The following COP1 variants were observed in gnomAD, a reference collection of about 807,000 sequenced individuals.
COP1 encodes the protein E3 ubiquitin-protein ligase COP1.
A neutral mutation model predicts 101.3 loss-of-function variants in COP1; 24 were observed. That is an observed-to-expected ratio of 0.24 (90% confidence interval 0.17 to 0.33). COP1 has a LOEUF of 0.33. Among genes scored for constraint, COP1 ranks in the 10% least tolerant of loss-of-function variants. COP1 has a pLI of 1.00. For synonymous variants in COP1, 347 were observed against 341.9 expected, an observed-to-expected ratio of 1.01 and a Z score of -0.17; for missense variants, 663 against 906.2, an observed-to-expected ratio of 0.73 and a Z score of 3.45.
intron 15 of COP1, among the ~76,000 whole-genome samples, chr1:176,011,753 C>T (rs1002952273): frequency 3.5e-4 from 54 of 152,168 alleles, no homozygotes; most frequent in Non-Finnish European, 1.6e-4. Flanking sequence ...TATATGATGG[C>T]AGTGCCATAA....
At position 176,010,345 on chromosome 1, in the gene COP1, A is replaced by T. The variant is rs187789462; in HGVS notation, c.1729+17227T>A. The stretch of plus-strand genomic sequence containing the variant: ...TGATATAATATACAATGCATCCTAT[A>T]TTCAGATATCTCCCAACTGTTTAAA... On this transcript the variant is annotated intron_variant, in intron 15 of 19. Coordinates refer to ENST00000367669, the MANE Select transcript of COP1 (RefSeq NM_022457.7). Among the ~76,000 whole-genome samples the T allele has an allele frequency of 9.5e-4, 144 of 152,318 alleles. 1 individual carries two copies. Among genetic ancestry groups the T allele is most frequent in the African/African-American group, 3.1e-3 (128 of 41,558 alleles).
At chr1:176,005,098 G>A (rs960900976) in intron 15 of COP1, among the ~76,000 whole-genome samples, 1 of 152,124 alleles carries the variant, frequency 6.6e-6, no homozygotes, top group Non-Finnish European at 1.5e-5. Context: ...TATGTGTCGA[G>A]GAATTTATCC....
intron 15 of COP1, among the ~76,000 whole-genome samples, chr1:176,003,666 C>A (rs1281018435): frequency 6.6e-6 from 1 of 152,008 alleles, no homozygotes; most frequent in African/African-American, 2.4e-5. Context: ...GTTGTAGATA[C>A]GTGGCGTTAT....
chr1:176,002,461 C>T (rs1043460960), intron 15 of COP1, among the ~76,000 whole-genome samples: 9 of 151,694 alleles, frequency 5.9e-5, no homozygotes, highest in Admixed American at 2.0e-4. Flanking sequence ...CCCACTAACT[C>T]GTCACCTAGC....
intron 9 of COP1, among the ~76,000 whole-genome samples, chr1:176,094,862 A>G (rs1191093274): frequency 1.3e-5 from 2 of 152,216 alleles, no homozygotes; most frequent in Admixed American, 6.5e-5. Context: ...AAAAGCAGCA[A>G]GCAAAACTGA....
At chr1:176,113,646 C>CCTTT (rs1685669478) in intron 9 of COP1, among the ~76,000 whole-genome samples, 1 of 152,050 alleles carries the variant, frequency 6.6e-6, no homozygotes, top group East Asian at 1.9e-4. Flanking sequence ...ATTAAAAAAA[C>CCTTT]ACCTGTAGTT....
chr1:176,176,109 C>T (rs1429752951), intron 2 of COP1, 102 bp from the exon 3 acceptor site: 2 of 611,548 alleles, frequency 3.3e-6, no homozygotes. Flanking sequence ...TCATTTTCAA[C>T]ATAACTAATC....
intron 8 of COP1, chr1:176,133,985 A>G: frequency 2.4e-6 from 1 of 422,536 alleles, no homozygotes; most frequent in Non-Finnish European, 4.7e-6. Context: ...GCTGAATTAC[A>G]CAGCTAAAAT....
intron 3 of COP1, among the ~76,000 whole-genome samples, chr1:176,170,582 G>C (rs1695888466): frequency 6.6e-6 from 1 of 152,170 alleles, no homozygotes; most frequent in African/African-American, 2.4e-5. Flanking sequence ...ACGATATTCA[G>C]TAAATCACGC....
At chr1:176,007,833 A>T (rs1436539683) in intron 15 of COP1, among the ~76,000 whole-genome samples, 1 of 152,230 alleles carries the variant, frequency 6.6e-6, no homozygotes, top group Non-Finnish European at 1.5e-5. Context: ...TGGAGCCTAC[A>T]GAGGCAGGCA....
At chr1:175,979,635 TTTG>T (rs1176876916) in intron 18 of COP1, among the ~76,000 whole-genome samples, 1 of 152,152 alleles carries the variant, frequency 6.6e-6, no homozygotes, top group Non-Finnish European at 1.5e-5. Context: ...TTTAAAAATT[TTTG>T]TTGCTTTTGA....
At chr1:176,093,447 GC>G (rs1681720910) in intron 9 of COP1, among the ~76,000 whole-genome samples, 3 of 151,050 alleles carry the variant, frequency 2.0e-5, no homozygotes, top group Admixed American at 2.0e-4. Flanking sequence ...GGTGGCTCAT[GC>G]CTGTACTCCC....
At chr1:176,169,731 T>G (rs1409469190) in intron 3 of COP1, among the ~76,000 whole-genome samples, 1 of 152,228 alleles carries the variant, frequency 6.6e-6, no homozygotes, top group Admixed American at 6.5e-5. Flanking sequence ...AGGGTGGTAG[T>G]CACTGAAGTC....
intron 11 of COP1, among the ~76,000 whole-genome samples, chr1:176,065,458 T>A (rs1675751049): frequency 6.6e-6 from 1 of 152,178 alleles, no homozygotes; most frequent in Non-Finnish European, 1.5e-5. Flanking sequence ...AAAACACTTG[T>A]CACCAGATTA....
Position 175,976,270 on chromosome 1 carries a change from CTTTTTTTTTT to C in COP1, c.2133+10663_2133+10672del, listed in dbSNP as rs10694480. Among the ~76,000 whole-genome samples the C allele has an allele frequency of 7.3e-3, 415 of 56,882 alleles. 12 individuals carry two copies. The highest frequency in any genetic ancestry group is 0.028 in the African/African-American group (381 of 13,542). 37.3% of individuals were successfully genotyped at this position (56,882 alleles called of 152,430 possible). A position where few individuals can be genotyped will look rare whatever the true frequency, so the allele number is the denominator to read the frequency against. ...TAAGTCTCTATATCAATTAGTCATTCTTTTTTTTTTTTTTTTTTTTTTTTTTAGACAGAGT... is the reference window on the plus strand; with the variant it reads ...TAAGTCTCTATATCAATTAGTCATTCTTTTTTTTTTTTTTTTAGACAGAGT... On this transcript the variant is annotated intron_variant, in intron 18 of 19. Coordinates refer to ENST00000367669, the MANE Select transcript of COP1 (RefSeq NM_022457.7).
intron 14 of COP1, among the ~76,000 whole-genome samples, chr1:176,039,045 A>G (rs1670067573): frequency 6.6e-6 from 1 of 152,158 alleles, no homozygotes; most frequent in South Asian, 2.1e-4. Context: ...CTCATATGGA[A>G]CTTTTAGGAG....
chr1:176,192,976 A>G (rs1207823847), intron 1 of COP1, among the ~76,000 whole-genome samples: 1 of 152,226 alleles, frequency 6.6e-6, no homozygotes, highest in African/African-American at 2.4e-5. Context: ...TATTCTTGAA[A>G]CAAAAACCTA....
chr1:176,120,018 C>T (rs965910913), intron 8 of COP1, among the ~76,000 whole-genome samples: 1 of 152,082 alleles, frequency 6.6e-6, no homozygotes, highest in African/African-American at 2.4e-5. Context: ...TACCTAGGCA[C>T]CTTATGTTCT....
At chr1:176,094,117 A>G (rs1298467941) in intron 9 of COP1, among the ~76,000 whole-genome samples, 1 of 152,182 alleles carries the variant, frequency 6.6e-6, no homozygotes, top group African/African-American at 2.4e-5. Context: ...AATAATCAGG[A>G]ACAGGGCATA....
Sources: gnomAD v4.1 joint callset for allele counts (sites outside exome capture counted in the v4.1 genomes callset) on GRCh38, gnomAD v4.1.1 for gene constraint, MANE v1.5 for transcripts, NCBI Gene and HGNC (gene_info 2026-07-23, HGNC 2026-07-21) for gene names.